Variants in PHRF1 observed in about 807,000 individuals in gnomAD.
The protein encoded by PHRF1 is PHD and RING finger domain-containing protein 1.
A neutral mutation model predicts 128.9 loss-of-function variants in PHRF1; 53 were observed. The observed-to-expected ratio is 0.41, with a 90% confidence interval of 0.33 to 0.52. The LOEUF (loss-of-function observed/expected upper bound fraction) is 0.52, where lower values mean the gene tolerates loss of function less well. Among genes scored for constraint, PHRF1 ranks in the 20% least tolerant of loss-of-function variants. The pLI, the probability that PHRF1 is intolerant of heterozygous loss-of-function variation, is 0.21. For missense variants in PHRF1, 2,503 were observed against 2,284.5 expected (o/e 1.10, Z -1.95); for synonymous variants, 1,178 against 980.6 (o/e 1.20, Z -3.76).
Position 584,592 on chromosome 11 carries a change from C to T in PHRF1, c.214+2511C>T, listed in dbSNP as rs989048465. The stretch of plus-strand genomic sequence containing the variant: ...GCTGGGCAGAGGCGGCAGGCCAGGA[C>T]GGGGGAGCTGTGAAGAGACAGGTTT... On this transcript the variant is annotated intron_variant, in intron 3 of 17. Transcript: ENST00000264555. 2.2e-4 allele frequency among the ~76,000 whole-genome samples: 33 copies of T among 152,120 alleles called. No homozygotes were observed. The East Asian group carries it at 5.4e-3, about 25-fold the overall frequency.
At chr11:602,856 G>A (rs1157048105) in intron 10 of PHRF1, among the ~76,000 whole-genome samples, 1 of 148,472 alleles carries the variant, frequency 6.7e-6, no homozygotes. Context: ...TCCACCTCCC[G>A]GGTTCAAGTG....
chr11:578,765 G>C (rs1182288216), intron 1 of PHRF1, among the ~76,000 whole-genome samples: 2 of 152,136 alleles, frequency 1.3e-5, no homozygotes, highest in African/African-American at 2.4e-5. Flanking sequence ...GCCCAGGCTG[G>C]TCTCATAACT....
intron 4 of PHRF1, among the ~76,000 whole-genome samples, chr11:590,728 A>G (rs60588515): frequency 0.039 from 5,975 of 152,108 alleles, 402 homozygotes; most frequent in African/African-American, 0.14. Context: ...TTTGAGATGG[A>G]GTTTGGCTCT....
chr11:602,675 C>G (rs1463431108), intron 10 of PHRF1, among the ~76,000 whole-genome samples: 2 of 151,932 alleles, frequency 1.3e-5, no homozygotes, highest in Non-Finnish European at 2.9e-5. Flanking sequence ...GAGCAAAACT[C>G]TGCCTCAAAA....
chr11:595,675 C>CT (rs1460012548), intron 6 of PHRF1, among the ~76,000 whole-genome samples: 2 of 152,252 alleles, frequency 1.3e-5, no homozygotes, highest in African/African-American at 4.8e-5. Flanking sequence ...GGATGGGCGC[C>CT]TGCCAGGCGC....
At chr11:603,864 G>A (rs1456217141) in intron 10 of PHRF1, among the ~76,000 whole-genome samples, 3 of 149,700 alleles carry the variant, frequency 2.0e-5, no homozygotes, top group Non-Finnish European at 3.0e-5. Flanking sequence ...TACCACGCCC[G>A]GCTAAGTTTT....
chr11:599,177 A>G (rs1240203340), intron 9 of PHRF1, among the ~76,000 whole-genome samples: 5 of 151,404 alleles, frequency 3.3e-5, no homozygotes, highest in Non-Finnish European at 7.4e-5. Context: ...TGCTTTACTC[A>G]GTGCGTTCTA....
intron 9 of PHRF1, among the ~76,000 whole-genome samples, chr11:600,493 A>AATATATATATATAT (rs35825045): frequency 1.5e-5 from 2 of 129,334 alleles, no homozygotes; most frequent in African/African-American, 6.3e-5. Flanking sequence ...TGTCTCCAAA[A>AATATATATATATAT]ATATATATAT....
rs1352692877 is a variant in PHRF1 at position 597,940 on chromosome 11, A to C, written c.894+370A>C. ...GTGCTCGGTTTCAGGTGCTCCCTGCAGCCTCCGTCCTGACAGCAGCCTTTC... is the reference window on the plus strand; with the variant it reads ...GTGCTCGGTTTCAGGTGCTCCCTGCCGCCTCCGTCCTGACAGCAGCCTTTC... On this transcript the variant is annotated intron_variant, in intron 8 of 17. Coordinates refer to ENST00000264555, the MANE Select transcript of PHRF1 (RefSeq NM_001286581.2). The surrounding 1 kb of genome is among the most constrained non-coding windows in gnomAD (Gnocchi z 6.5). Among the ~76,000 whole-genome samples, 4 of 152,204 alleles carry C rather than the reference A, an allele frequency of 2.6e-5. No homozygotes were observed. The East Asian group carries it at 7.7e-4, about 29-fold the overall frequency.
intron 4 of PHRF1, among the ~76,000 whole-genome samples, chr11:590,308 G>A (rs889906847): frequency 2.0e-5 from 3 of 152,242 alleles, no homozygotes; most frequent in Admixed American, 1.3e-4. Flanking sequence ...GCGCCCACAC[G>A]AAGACACGTC....
At position 597,137 on chromosome 11, in the gene PHRF1, G is replaced by A; in HGVS notation, c.718+117G>A. ...AGGACATCTAGGGCTGTCTCATGGG[G>A]GTTAGGGTTGGCTGCGGTGTCGGGA... On this transcript the variant is annotated intron_variant, in intron 7 of 17. Coordinates refer to ENST00000264555, the MANE Select transcript of PHRF1 (RefSeq NM_001286581.2). This position sits in a 1 kb window ranked among gnomAD's most constrained non-coding sequence, Gnocchi z 6.5. The A allele has an allele frequency of 8.7e-7, 1 of 1,147,364 alleles. No individual in the cohort carries two copies. Among genetic ancestry groups the A allele is most frequent in the South Asian group, 1.4e-5 (1 of 69,848 alleles). The allele number at this position is 1,147,364 out of a possible 1,614,324, so 71.1% of individuals were successfully genotyped here.
At position 609,717 on chromosome 11, in the gene PHRF1, C is replaced by T. The variant is rs781050206; in HGVS notation, c.4261C>T (p.Pro1421Ser). ...CAGCGCCCCCGCCGAGGACAGAGCC[C>T]CCCGTGAGTAGTGCCCCGGCCCCCA... is the stretch of plus-strand genomic sequence containing the variant. The part of the protein sequence containing the change: ...ESSAPAEDRA[P>S]RAPLHRPQKP... The change falls in exon 14 of 18, where the codon CCC (proline) becomes TCC (serine). Residue 1421 changes from proline to serine, a missense_variant. Coordinates refer to ENST00000264555, the MANE Select transcript of PHRF1 (RefSeq NM_001286581.2). The T allele has an allele frequency of 1.3e-6, 2 of 1,481,778 alleles. No individual in the cohort carries two copies. The highest frequency in any genetic ancestry group is 1.8e-6 in the Non-Finnish European group (2 of 1,120,906). 91.8% of individuals were successfully genotyped at this position (1,481,778 alleles called of 1,614,324 possible).
chr11:579,702 C>T (rs934891681), intron 1 of PHRF1, among the ~76,000 whole-genome samples: 1 of 152,190 alleles, frequency 6.6e-6, no homozygotes, highest in Admixed American at 6.5e-5. Flanking sequence ...GTGTTTTCAC[C>T]TTAGGGTGGC....
At position 611,853 on chromosome 11, in the gene PHRF1, G is replaced by C; in HGVS notation, c.*76G>C. 6.6e-7 allele frequency: 1 copy of C among 1,509,172 alleles called. No individual in the cohort carries two copies. The highest frequency in any genetic ancestry group is 2.5e-5 in the East Asian group (1 of 40,484). 93.5% of individuals were successfully genotyped at this position (1,509,172 alleles called of 1,614,324 possible). ...TCGGGGCCATGCCCGGGGAGCTGTC[G>C]GGAGTGGCGGGAATCGGGGCCATGC... On this transcript the variant is annotated 3_prime_UTR_variant, in exon 18 of 18. Coordinates refer to ENST00000264555, the MANE Select transcript of PHRF1 (RefSeq NM_001286581.2).
rs776171251 is a variant in PHRF1 at position 607,852 on chromosome 11, C to T, written c.2396C>T (p.Thr799Met). ...SQLSSPGFCNTFRPVDDKEQR... is the reference protein window; with the variant it reads ...SQLSSPGFCNMFRPVDDKEQR... ...CTCTCCAGCCCTGGCTTCTGTAACA[C>T]GTTCCGGCCTGTGGACGATAAGGAG... is the stretch of plus-strand genomic sequence containing the variant. The change falls in exon 14 of 18, where the codon ACG becomes ATG. Residue 799 changes from threonine (T) to methionine (M), a missense_variant. By Grantham distance (81) the Thr-to-Met change is moderately conservative (BLOSUM62 -1). Coordinates refer to ENST00000264555, the MANE Select transcript of PHRF1 (RefSeq NM_001286581.2). The T allele has an allele frequency of 1.3e-5, 21 of 1,612,692 alleles. No individual in the cohort carries two copies. The highest frequency in any genetic ancestry group is 1.6e-4 in the Middle Eastern group (1 of 6,084).
chr11:596,779 T>C (rs1332810679), intron 6 of PHRF1, 144 bp from the exon 7 acceptor site: 2 of 644,398 alleles, frequency 3.1e-6, no homozygotes, highest in Non-Finnish European at 5.6e-6. Flanking sequence ...CTTATGAATT[T>C]TGGAGGGATG....
rs756707966 is a variant in PHRF1, at chr11:608,308, C to G, written c.2852C>G (p.Thr951Ser). ...WDEEDGASCS[T>S]FFGSEERTVT... Reference sequence around the variant, plus strand: ...GAGGAGGATGGGGCGTCTTGCAGCACCTTCTTTGGCTCTGAGGAGCGGACG... The same window carrying G: ...GAGGAGGATGGGGCGTCTTGCAGCAGCTTCTTTGGCTCTGAGGAGCGGACG... The change falls in exon 14 of 18, where the codon ACC becomes AGC. Residue 951 changes from threonine to serine, a missense_variant. Coordinates refer to ENST00000264555, the MANE Select transcript of PHRF1 (RefSeq NM_001286581.2). 6 of 1,609,686 alleles carry G rather than the reference C, an allele frequency of 3.7e-6. No individual in the cohort carries two copies. The South Asian group carries it at 5.5e-5, about 15-fold the overall frequency.
chr11:584,883 G>A (rs905277251), intron 3 of PHRF1, among the ~76,000 whole-genome samples: 5 of 151,892 alleles, frequency 3.3e-5, no homozygotes, highest in African/African-American at 4.8e-5. Context: ...GATTACAGGC[G>A]CGCACCACCA....
In PHRF1 at chr11:610,762, G is replaced by T; in HGVS notation, c.4677+1G>T. On this transcript the variant is annotated splice_donor_variant, in intron 16 of 17. Transcript: ENST00000264555. LOFTEE classifies it high-confidence loss of function. ...TGCGGAGAAAACCAAGAAGGAGGAG[G>T]TGAGTCCTGCCTCCTCCCACTTTCC... The T allele has an allele frequency of 6.2e-7, 1 of 1,600,394 alleles. No homozygotes were observed. The highest frequency in any genetic ancestry group is 8.5e-7 in the Non-Finnish European group (1 of 1,179,108).
Sources: gnomAD v4.1 joint callset for allele counts (sites outside exome capture counted in the v4.1 genomes callset) on GRCh38, gnomAD v4.1.1 for gene constraint, Gnocchi (gnomAD v3.1) non-coding constraint, MANE v1.5 for transcripts, NCBI Gene and HGNC (gene_info 2026-07-23, HGNC 2026-07-21) for gene names.